IL17RB: variants seen among roughly 807,000 people sequenced by gnomAD.
The protein encoded by IL17RB is interleukin-17 receptor B.
Under a neutral mutation model 43.9 loss-of-function variants are expected in IL17RB, and 36 were observed. The ratio of observed to expected loss-of-function variants is 0.82; its 90% CI spans 0.63 to 1.08. IL17RB has a LOEUF of 1.08. IL17RB is among the 50% of genes least tolerant of loss of function. The pLI is 0.00. For missense variants in IL17RB, 613 were observed against 613.6 expected, an observed-to-expected ratio of 1.00 and a Z score of 0.01; for synonymous variants, 225 against 225.4, an observed-to-expected ratio of 1.00 and a Z score of 0.02.
At position 53,856,872 on chromosome 3, in the gene IL17RB, T is replaced by C. The variant is rs767627679; in HGVS notation, c.558T>C (p.Ala186=). ...AGSLWDPNIT[A]CKKNEETVEV... is the part of the protein sequence containing the mutation. The stretch of plus-strand genomic sequence containing the variant: ...GCCTGTGGGATCCGAACATCACTGC[T>C]TGTAAGAAGAATGAGGAGACAGTAG... The change falls in exon 7 of 11, where the codon GCT becomes GCC. Residue 186 remains alanine (A), a synonymous_variant. Coordinates refer to ENST00000288167, the MANE Select transcript of IL17RB (RefSeq NM_018725.4). The C allele has an allele frequency of 1.2e-6, 2 of 1,614,112 alleles. No individual in the cohort carries two copies. The highest frequency in any genetic ancestry group is 2.2e-5 in the South Asian group (2 of 91,080).
At chr3:53,846,974 A>G (rs748684330) in intron 1 of IL17RB, among the ~76,000 whole-genome samples, 3 of 152,200 alleles carry the variant, frequency 2.0e-5, no homozygotes, top group Non-Finnish European at 4.4e-5. Flanking sequence ...CATGGCCTGC[A>G]ATTAGCGGCG....
intron 4 of IL17RB, among the ~76,000 whole-genome samples, chr3:53,852,343 G>A (rs917128614): frequency 7.2e-5 from 11 of 152,044 alleles, no homozygotes; most frequent in Non-Finnish European, 1.3e-4. Context: ...GTTTCACCGT[G>A]TTGCTGGTCT....
rs150506112 is a variant in IL17RB, at chr3:53,864,779, C to T, written c.980C>T (p.Thr327Ile). Residue 327 changes from threonine (T) to isoleucine (I), a missense_variant, in exon 11 of 11, where the codon ACA (threonine) becomes ATA (isoleucine). Thr to Ile is a moderately conservative substitution (Grantham distance 89). Transcript: ENST00000288167. The part of the protein sequence containing the change: ...RIKKTSFSTT[T>I]LLPPIKVLVV... ...AAGAAGACTTCCTTTTCTACCACCA[C>T]ACTACTGCCCCCCATTAAGGTTCTT... is the stretch of plus-strand genomic sequence containing the variant. 166 of 1,612,660 alleles carry T rather than the reference C, an allele frequency of 1.0e-4. 1 individual carries two copies. Among genetic ancestry groups the T allele is most frequent in the Non-Finnish European group, 5.9e-5 (69 of 1,179,452 alleles).
Position 53,863,092 on chromosome 3 carries a change from TAC to T in IL17RB, c.947-1652_947-1651del, listed in dbSNP as rs1425981004. On this transcript the variant is annotated intron_variant, in intron 10 of 10. Transcript: ENST00000288167. Reference sequence around the variant, plus strand: ...AAATATATTTTCTCATGATTTTAATTACATTTTTTTCTCTAGCTTACTTTATT... The same window carrying T: ...AAATATATTTTCTCATGATTTTAATTATTTTTTTCTCTAGCTTACTTTATT... Among the ~76,000 whole-genome samples the T allele has an allele frequency of 2.0e-5, 3 of 152,178 alleles. No homozygotes were observed. The East Asian group carries it at 5.8e-4, about 29-fold the overall frequency.
chr3:53,846,714 G>A, intron 1 of IL17RB, 66 bp downstream of exon 1: 1 of 1,481,736 alleles, frequency 6.7e-7, no homozygotes, highest in Non-Finnish European at 9.1e-7. Flanking sequence ...GACGTCGTCT[G>A]ATCCGCCAGT....
At chr3:53,860,704 A>G (rs1463213519) in intron 10 of IL17RB, 1 of 152,236 alleles carries the variant, frequency 6.6e-6, no homozygotes, top group African/African-American at 2.4e-5. Context: ...AATTTTTTGG[A>G]GATTTGTATC....
chr3:53,860,733 T>C (rs964070083), intron 10 of IL17RB: 1 of 151,932 alleles, frequency 6.6e-6, no homozygotes, highest in African/African-American at 2.4e-5. Flanking sequence ...AAAACTTAGA[T>C]GAAACTCGGA....
chr3:53,848,390 G>A (rs1376151134), intron 1 of IL17RB, among the ~76,000 whole-genome samples: 1 of 152,252 alleles, frequency 6.6e-6, no homozygotes. Context: ...ATGACATCCA[G>A]AGACAGATGG....
At position 53,848,703 on chromosome 3, in the gene IL17RB, G is replaced by A. The variant is rs923512092; in HGVS notation, c.85+15G>A. 4 of 1,613,896 alleles carry A rather than the reference G, an allele frequency of 2.5e-6. No individual in the cohort carries two copies. Among genetic ancestry groups the A allele is most frequent in the Non-Finnish European group, 3.4e-6 (4 of 1,179,726 alleles). ...CTCTGAAACTGGTAGGTGCATTAGA[G>A]AATGGGTATTTGGGGCTTTACATTG... is the stretch of plus-strand genomic sequence containing the variant. On this transcript the variant is annotated intron_variant, in intron 2 of 10. Coordinates refer to ENST00000288167, the MANE Select transcript of IL17RB (RefSeq NM_018725.4).
chr3:53,857,913 C>A, intron 8 of IL17RB: 1 of 538,666 alleles, frequency 1.9e-6, no homozygotes, highest in Admixed American at 3.1e-5. Flanking sequence ...TGGCTGCTGA[C>A]CTTCCAAAGC....
chr3:53,857,710 T>C lies in IL17RB; in HGVS notation c.747+20T>C. 2.5e-6 allele frequency: 4 copies of C among 1,599,360 alleles called. No homozygotes were observed. Among genetic ancestry groups the C allele is most frequent in the Non-Finnish European group, 3.4e-6 (4 of 1,166,486 alleles). On this transcript the variant is annotated intron_variant, in intron 8 of 10. Transcript: ENST00000288167. ...GTGCAGGTAAAGTTCAGTGAGCTGC[T>C]CTGGGGAGGGAAGGGACATAGAAGA...
intron 1 of IL17RB, among the ~76,000 whole-genome samples, chr3:53,847,743 G>A (rs1698977971): frequency 6.6e-6 from 1 of 152,078 alleles, no homozygotes; most frequent in South Asian, 2.1e-4. Context: ...GCAGTGAGCC[G>A]AGATCTGCGC....
chr3:53,856,759 G>T, intron 6 of IL17RB, 85 bp from the exon 7 acceptor site: 1 of 1,353,270 alleles, frequency 7.4e-7, no homozygotes, highest in Non-Finnish European at 1.0e-6. Flanking sequence ...TGAGAACTTG[G>T]GTTTGTTTCC....
Position 53,865,271 on chromosome 3 carries a change from G to C in IL17RB, c.1472G>C (p.Arg491Thr). ...HVKQQVSAGK[R>T]SQACHDGCCS... ...AAGCAGCAGGTGTCAGCAGGAAAAA[G>C]ATCACAAGCCTGCCACGATGGCTGC... The change falls in exon 11 of 11, where the codon AGA becomes ACA. Residue 491 changes from arginine to threonine, a missense_variant. By Grantham distance (71) the Arg-to-Thr change is moderately conservative (BLOSUM62 -1). Transcript: ENST00000288167. The C allele has an allele frequency of 6.2e-7, 1 of 1,609,868 alleles. No individual in the cohort carries two copies. Among genetic ancestry groups the C allele is most frequent in the East Asian group, 2.2e-5 (1 of 44,884 alleles).
At position 53,852,018 on chromosome 3, in the gene IL17RB, G is replaced by A; in HGVS notation, c.246G>A (p.Lys82=). ...CGGCAGCCAGCATCCGCTTGTTGAA[G>A]GCCACCAAGATTTGTGTGACGGGCA... is the stretch of plus-strand genomic sequence containing the variant. ...LRADASIRLL[K]ATKICVTGKS... is the part of the protein sequence containing the mutation. Residue 82 remains lysine (K), a synonymous_variant, in exon 4 of 11, where the codon AAG becomes AAA. Transcript: ENST00000288167. 1.9e-6 allele frequency: 3 copies of A among 1,614,130 alleles called. No individual in the cohort carries two copies. Among genetic ancestry groups the A allele is most frequent in the Non-Finnish European group, 2.5e-6 (3 of 1,180,032 alleles).
intron 1 of IL17RB, 60 bp from the exon 2 acceptor site, chr3:53,848,604 C>T (rs1053830544): frequency 6.4e-7 from 1 of 1,564,874 alleles, no homozygotes. Flanking sequence ...CCTAATTTGG[C>T]AAAGGAAAGC....
At chr3:53,862,839 A>G (rs150148708) in intron 10 of IL17RB, among the ~76,000 whole-genome samples, 118 of 152,324 alleles carry the variant, frequency 7.7e-4, no homozygotes, top group African/African-American at 2.7e-3. Context: ...CCATATACAA[A>G]TATTTTTAGA....
At chr3:53,851,939 A>G in intron 3 of IL17RB, 60 bp from the exon 4 acceptor site, 2 of 1,595,250 alleles carry the variant, frequency 1.3e-6, no homozygotes, top group Non-Finnish European at 1.7e-6. Flanking sequence ...AGCATCTAGC[A>G]TCAAGTCAGC....
chr3:53,858,592 G>A (rs1311676661), intron 8 of IL17RB, 127 bp from the exon 9 acceptor site: 4 of 1,465,060 alleles, frequency 2.7e-6, no homozygotes, highest in Non-Finnish European at 3.6e-6. Context: ...AGGGGAAAAT[G>A]TGCATGACAA....
Sources: gnomAD v4.1 joint callset for allele counts (sites outside exome capture counted in the v4.1 genomes callset) on GRCh38, gnomAD v4.1.1 for gene constraint, MANE v1.5 for transcripts, NCBI Gene and HGNC (gene_info 2026-07-23, HGNC 2026-07-21) for gene names.